Variants in ATRNL1 observed in about 807,000 individuals in gnomAD.
ATRNL1 encodes attractin-like protein 1.
ATRNL1 carries 95 observed loss-of-function variants against 182.7 expected under a neutral mutation model. The ratio of observed to expected loss-of-function variants is 0.52; its 90% CI spans 0.44 to 0.62. The LOEUF (loss-of-function observed/expected upper bound fraction) is 0.62. ATRNL1 is among the 20% of genes least tolerant of loss of function. The pLI, the probability that ATRNL1 is intolerant of heterozygous loss-of-function variation, is 0.00. For synonymous variants in ATRNL1, 576 were observed against 568.3 expected (o/e 1.01, Z -0.19); for missense variants, 1,471 against 1,679.5 (o/e 0.88, Z 2.17).
At chr10:115,711,280 C>G (rs528633545) in intron 26 of ATRNL1, among the ~76,000 whole-genome samples, 1 of 152,074 alleles carries the variant, frequency 6.6e-6, no homozygotes, top group Non-Finnish European at 1.5e-5. Context: ...TATGCTGCCT[C>G]CTGTGGGTAG....
chr10:115,456,555 G>A (rs1243937399), intron 21 of ATRNL1, among the ~76,000 whole-genome samples: 1 of 152,090 alleles, frequency 6.6e-6, no homozygotes, highest in Non-Finnish European at 1.5e-5. Context: ...GATGGATGCA[G>A]CAAACTACCA....
intron 19 of ATRNL1, among the ~76,000 whole-genome samples, chr10:115,394,354 A>G (rs1477016062): frequency 6.6e-6 from 1 of 152,034 alleles, no homozygotes; most frequent in Non-Finnish European, 1.5e-5. Context: ...TTTGAAACTC[A>G]CTTTATTAAA....
intron 20 of ATRNL1, among the ~76,000 whole-genome samples, chr10:115,409,323 A>C (rs1418537421): frequency 1.3e-5 from 2 of 152,012 alleles, no homozygotes; most frequent in Admixed American, 6.5e-5. Flanking sequence ...TTTGTTAGTT[A>C]TTCTAGATGA....
chr10:115,121,964 T>C (rs1469599850), intron 3 of ATRNL1, 152 bp downstream of exon 3: 7 of 406,026 alleles, frequency 1.7e-5, no homozygotes, highest in Admixed American at 8.6e-5. Context: ...GCTGTAACTG[T>C]CAATTTAGGT....
At chr10:115,303,409 G>A (rs144081761) in intron 17 of ATRNL1, among the ~76,000 whole-genome samples, 1 of 151,854 alleles carries the variant, frequency 6.6e-6, no homozygotes, top group Non-Finnish European at 1.5e-5. Context: ...ACTTTTTTTA[G>A]AGATGGGGTT....
intron 26 of ATRNL1, among the ~76,000 whole-genome samples, chr10:115,585,227 T>G (rs540261443): frequency 0.073 from 4,552 of 62,572 alleles, 58 homozygotes; most frequent in Middle Eastern, 0.15. Context: ...TATATTCTGT[T>G]GATTTGGGGT....
chr10:115,620,952 A>G (rs1317407252), intron 26 of ATRNL1, among the ~76,000 whole-genome samples: 2 of 151,734 alleles, frequency 1.3e-5, no homozygotes, highest in African/African-American at 4.8e-5. Context: ...TGCATATTTT[A>G]CTCCATTTCC....
intron 25 of ATRNL1, among the ~76,000 whole-genome samples, chr10:115,530,145 T>G (rs1236712965): frequency 6.6e-6 from 1 of 152,192 alleles, no homozygotes; most frequent in Non-Finnish European, 1.5e-5. Flanking sequence ...TTTGAGTTCT[T>G]TCTTCTTTTT....
chr10:115,443,004 AT>A (rs1425097181), intron 21 of ATRNL1, among the ~76,000 whole-genome samples: 73 of 151,986 alleles, frequency 4.8e-4, no homozygotes, highest in Non-Finnish European at 8.7e-4. Flanking sequence ...TGTAAATTAA[AT>A]TTTTTGTAGT....
At chr10:115,584,742 A>G (rs1426493653) in intron 26 of ATRNL1, among the ~76,000 whole-genome samples, 1 of 151,736 alleles carries the variant, frequency 6.6e-6, no homozygotes, top group Non-Finnish European at 1.5e-5. Flanking sequence ...TTGTGTCTCT[A>G]TTTCCTTCAG....
intron 26 of ATRNL1, among the ~76,000 whole-genome samples, chr10:115,597,194 C>T (rs549893174): frequency 6.6e-6 from 1 of 152,146 alleles, no homozygotes; most frequent in Non-Finnish European, 1.5e-5. Flanking sequence ...ATTTTTTCCT[C>T]AGTAGACGAA....
Position 115,467,220 on chromosome 10 carries a change from A to T in ATRNL1, c.3464A>T (p.Asn1155Ile). The T allele has an allele frequency of 6.2e-7, 1 of 1,605,184 alleles. No individual in the cohort carries two copies. The highest frequency in any genetic ancestry group is 8.5e-7 in the Non-Finnish European group (1 of 1,174,564). The change falls in exon 23 of 29, where the codon AAT becomes ATT. Residue 1155 changes from asparagine (N) to isoleucine (I), a missense_variant. Coordinates refer to ENST00000355044, the MANE Select transcript of ATRNL1 (RefSeq NM_207303.4). Reference protein sequence around the residue: ...DISINASNNFNLNITWSVGST... With the variant: ...DISINASNNFILNITWSVGST... ...TCAATTAATGCATCAAACAACTTTAATCTCAACATTACGTGGTCTGTCGGT... is the reference window on the plus strand; with the variant it reads ...TCAATTAATGCATCAAACAACTTTATTCTCAACATTACGTGGTCTGTCGGT...
intron 26 of ATRNL1, among the ~76,000 whole-genome samples, chr10:115,661,517 A>G (rs1048440902): frequency 6.6e-6 from 1 of 152,172 alleles, no homozygotes; most frequent in African/African-American, 2.4e-5. Context: ...AACTCCCTCA[A>G]TGTATAAGTT....
At chr10:115,576,840 T>A (rs1009282606) in intron 26 of ATRNL1, among the ~76,000 whole-genome samples, 7 of 152,026 alleles carry the variant, frequency 4.6e-5, no homozygotes, top group Non-Finnish European at 5.9e-5. Flanking sequence ...TTCCTTATAT[T>A]TTCATCTAAG....
chr10:115,155,486 T>G (rs11197089), intron 5 of ATRNL1, among the ~76,000 whole-genome samples: 3,772 of 152,218 alleles, frequency 0.025, 155 homozygotes, highest in African/African-American at 0.086. Flanking sequence ...AGGTGGAAGC[T>G]CCACAATTAA....
At chr10:115,843,547 G>A (rs1950858965) in intron 27 of ATRNL1, among the ~76,000 whole-genome samples, 2 of 152,090 alleles carry the variant, frequency 1.3e-5, no homozygotes, top group Admixed American at 6.6e-5. Flanking sequence ...TGGGAAGGAT[G>A]CCTTAGACAG....
intron 27 of ATRNL1, among the ~76,000 whole-genome samples, chr10:115,737,407 C>G (rs1326208239): frequency 6.6e-6 from 1 of 151,242 alleles, no homozygotes; most frequent in Non-Finnish European, 1.5e-5. Context: ...TGCACTCCAG[C>G]CTGGTTGAAC....
At chr10:115,414,438 G>T (rs1376409058) in intron 20 of ATRNL1, among the ~76,000 whole-genome samples, 2 of 151,260 alleles carry the variant, frequency 1.3e-5, no homozygotes, top group Non-Finnish European at 3.0e-5. Context: ...TATAGAGATA[G>T]GATTCACTTG....
intron 9 of ATRNL1, among the ~76,000 whole-genome samples, chr10:115,219,231 CAAAAA>C (rs78580406): frequency 1.6e-5 from 1 of 60,842 alleles, no homozygotes; most frequent in African/African-American, 5.7e-5. Flanking sequence ...GACTCCATCT[CAAAAA>C]AAAAAAAAAA....
Sources: gnomAD v4.1 joint callset for allele counts (sites outside exome capture counted in the v4.1 genomes callset) on GRCh38, gnomAD v4.1.1 for gene constraint, MANE v1.5 for transcripts, NCBI Gene and HGNC (gene_info 2026-07-23, HGNC 2026-07-21) for gene names.